Variants in BMPER observed in about 807,000 individuals in gnomAD.
BMPER encodes BMP-binding endothelial regulator protein.
A neutral mutation model predicts 87.3 loss-of-function variants in BMPER; 45 were observed. The observed-to-expected ratio is 0.52, with a 90% CI of 0.41 to 0.66. BMPER has a LOEUF of 0.66. BMPER is among the 30% of genes least tolerant of loss of function. The pLI, the probability that BMPER is intolerant of heterozygous loss-of-function variation, is 0.00. For missense variants in BMPER, 784 were observed against 867.5 expected, an observed-to-expected ratio of 0.90 and a Z score of 1.21; for synonymous variants, 326 against 316.2, an observed-to-expected ratio of 1.03 and a Z score of -0.33.
At position 33,969,977 on chromosome 7, in the gene BMPER, A is replaced by T. The variant is rs551037473; in HGVS notation, c.403-352A>T. Among the ~76,000 whole-genome samples, 8 of 152,380 alleles carry T rather than the reference A, an allele frequency of 5.3e-5. No homozygotes were observed. In the South Asian group the frequency reaches 1.7e-3, roughly 32 times the overall value. ...CATGAATAACAATGATAGAAAGTAC[A>T]GGAAGTGTGGAAAACCTAAAACAAT... On this transcript the variant is annotated intron_variant, in intron 4 of 14. Transcript: ENST00000649409.
At chr7:34,129,644 G>GAAAGAAAGA (rs1790522484) in intron 13 of BMPER, among the ~76,000 whole-genome samples, 4 of 149,510 alleles carry the variant, frequency 2.7e-5, no homozygotes, top group African/African-American at 7.4e-5. Context: ...AAGAAAGAAA[G>GAAAGAAAGA]AAAGAAAGAA....
At chr7:33,925,494 C>T (rs1224570348) in intron 2 of BMPER, among the ~76,000 whole-genome samples, 1 of 152,060 alleles carries the variant, frequency 6.6e-6, no homozygotes, top group Non-Finnish European at 1.5e-5. Context: ...CTATAGAAAA[C>T]TGGTTTTTAA....
At chr7:33,912,184 G>C (rs1783982029) in intron 2 of BMPER, among the ~76,000 whole-genome samples, 1 of 152,170 alleles carries the variant, frequency 6.6e-6, no homozygotes, top group Non-Finnish European at 1.5e-5. Context: ...CTGCTTTCTT[G>C]CAGAGTATTT....
Position 34,046,287 on chromosome 7 carries a change from T to C in BMPER, c.577-19T>C, listed in dbSNP as rs943092229. On this transcript the variant is annotated intron_variant, in intron 6 of 14. Coordinates refer to ENST00000649409, the MANE Select transcript of BMPER (RefSeq NM_001365308.1). ...CACTTACTTTTCTAAATATGCTTTTTTTTTCTCTCTTTTCTTAGGGAGGCA... is the reference window on the plus strand; with the variant it reads ...CACTTACTTTTCTAAATATGCTTTTCTTTTCTCTCTTTTCTTAGGGAGGCA... The C allele has an allele frequency of 2.5e-6, 4 of 1,608,320 alleles. No individual in the cohort carries two copies. Among genetic ancestry groups the C allele is most frequent in the Non-Finnish European group, 2.6e-6 (3 of 1,174,822 alleles).
intron 3 of BMPER, among the ~76,000 whole-genome samples, chr7:33,955,280 C>A (rs1785122793): frequency 5.3e-5 from 8 of 152,168 alleles, no homozygotes; most frequent in Admixed American, 5.2e-4. Flanking sequence ...TCAAATGTAA[C>A]AAAGAACCCC....
chr7:34,019,727 G>A (rs1303722457), intron 6 of BMPER, among the ~76,000 whole-genome samples: 2 of 152,032 alleles, frequency 1.3e-5, no homozygotes, highest in East Asian at 2.0e-4. Flanking sequence ...TGGGACAGAC[G>A]TGGCTCCGGC....
At chr7:34,107,899 T>C (rs1455726391) in intron 13 of BMPER, among the ~76,000 whole-genome samples, 1 of 152,238 alleles carries the variant, frequency 6.6e-6, no homozygotes, top group Non-Finnish European at 1.5e-5. Flanking sequence ...TTAAATGTTC[T>C]AGACCTCAAT....
At chr7:34,128,823 C>G (rs1790470228) in intron 13 of BMPER, among the ~76,000 whole-genome samples, 1 of 152,136 alleles carries the variant, frequency 6.6e-6, no homozygotes. Context: ...GAATGAGATT[C>G]CTAAAAAGCT....
intron 11 of BMPER, 129 bp from the exon 12 acceptor site, chr7:34,078,728 T>C: frequency 1.1e-6 from 1 of 950,100 alleles, no homozygotes; most frequent in South Asian, 1.4e-5. Context: ...ACGACCACTT[T>C]TTTTTTTAAG....
chr7:34,002,058 T>C (rs1057186211), intron 6 of BMPER, among the ~76,000 whole-genome samples: 3 of 151,772 alleles, frequency 2.0e-5, no homozygotes, highest in African/African-American at 7.2e-5. Context: ...AAAAATTCAT[T>C]GAGACTTGTT....
At chr7:34,017,708 G>C (rs1321444578) in intron 6 of BMPER, among the ~76,000 whole-genome samples, 1 of 151,816 alleles carries the variant, frequency 6.6e-6, no homozygotes, top group African/African-American at 2.4e-5. Context: ...CCTTCACCCT[G>C]AGTCTCTGTT....
chr7:33,985,085 C>G (rs1785966614), intron 6 of BMPER, among the ~76,000 whole-genome samples: 1 of 152,184 alleles, frequency 6.6e-6, no homozygotes. Flanking sequence ...CAAATACAAT[C>G]TATTGACTTG....
intron 14 of BMPER, among the ~76,000 whole-genome samples, chr7:34,151,582 G>T (rs1791177616): frequency 6.6e-6 from 1 of 152,174 alleles, no homozygotes; most frequent in Non-Finnish European, 1.5e-5. Flanking sequence ...TTCAATATAA[G>T]TGACTAGTAA....
chr7:34,056,008 A>C (rs1788274085), intron 9 of BMPER, among the ~76,000 whole-genome samples: 1 of 152,346 alleles, frequency 6.6e-6, no homozygotes, highest in South Asian at 2.1e-4. Flanking sequence ...TCACCTCATG[A>C]TACCCATGAG....
intron 13 of BMPER, among the ~76,000 whole-genome samples, chr7:34,110,616 T>C: frequency 6.6e-6 from 1 of 152,178 alleles, no homozygotes; most frequent in East Asian, 1.9e-4. Flanking sequence ...GAAGAATCTG[T>C]ACAAATGGAT....
At chr7:33,961,410 A>G (rs1338613462) in intron 3 of BMPER, among the ~76,000 whole-genome samples, 6 of 152,236 alleles carry the variant, frequency 3.9e-5, no homozygotes, top group Admixed American at 2.0e-4. Flanking sequence ...ACCATTGGTC[A>G]TTGTGAATGA....
At chr7:34,147,396 C>T (rs1791057111) in intron 14 of BMPER, among the ~76,000 whole-genome samples, 1 of 152,204 alleles carries the variant, frequency 6.6e-6, no homozygotes, top group Non-Finnish European at 1.5e-5. Flanking sequence ...TTATGTTTCA[C>T]CTATAGCGGT....
At chr7:34,150,816 T>C (rs1298535545) in intron 14 of BMPER, among the ~76,000 whole-genome samples, 1 of 152,176 alleles carries the variant, frequency 6.6e-6, no homozygotes, top group Admixed American at 6.5e-5. Flanking sequence ...CAGAACAGTG[T>C]TCCCCTCTAG....
intron 3 of BMPER, among the ~76,000 whole-genome samples, chr7:33,965,421 A>G (rs1490194567): frequency 6.6e-6 from 1 of 152,112 alleles, no homozygotes; most frequent in Admixed American, 6.6e-5. Flanking sequence ...AGCATTATCT[A>G]AAAGTTCTCA....
Sources: gnomAD v4.1 joint callset for allele counts (sites outside exome capture counted in the v4.1 genomes callset) on GRCh38, gnomAD v4.1.1 for gene constraint, MANE v1.5 for transcripts, NCBI Gene and HGNC (gene_info 2026-07-23, HGNC 2026-07-21) for gene names.